Variants in CADPS observed in about 807,000 individuals in gnomAD.
CADPS encodes the protein calcium-dependent secretion activator 1.
In CADPS, 57 loss-of-function variants were observed where a neutral mutation model predicts 167.3. That is an observed-to-expected ratio of 0.34 (90% CI 0.28 to 0.42). The LOEUF (loss-of-function observed/expected upper bound fraction) is 0.42. Ranked by LOEUF, CADPS falls within the 20% of genes least tolerant of loss-of-function variation. The pLI, the probability that CADPS is intolerant of heterozygous loss-of-function variation, is 1.00. For missense variants in CADPS, 1,414 were observed against 1,738.1 expected (o/e 0.81, Z 3.32); for synonymous variants, 676 against 635.3 (o/e 1.06, Z -0.96).
rs979145505 is a variant in CADPS, at chr3:62,544,969, C to T, written c.1966+4934G>A. ...ACCTAGCAGCCTAAGTTCTTGGGTT[C>T]GAGCAAAGATTGAACAAGAAAACTT... On this transcript the variant is annotated intron_variant, in intron 11 of 29. Transcript: ENST00000383710. The surrounding 1 kb of genome is among the most constrained non-coding windows in gnomAD (Gnocchi z 4.4). 49 of 467,252 alleles carry T rather than the reference C, an allele frequency of 1.0e-4. No homozygotes were observed. The Admixed American group carries it at 2.4e-3, about 23-fold the overall frequency. The allele number at this position is 467,252 out of a possible 1,614,324, so 28.9% of individuals were successfully genotyped here.
At chr3:62,634,081 G>A (rs1031313329) in intron 6 of CADPS, among the ~76,000 whole-genome samples, 1 of 152,126 alleles carries the variant, frequency 6.6e-6, no homozygotes, top group African/African-American at 2.4e-5. Context: ...TTGACAGCGG[G>A]TTGTTAAGCT....
Position 62,592,637 on chromosome 3 carries a change from C to T in CADPS, c.1437G>A (p.Arg479=). The change falls in exon 7 of 30, where the codon CGG becomes CGA. Residue 479 remains arginine (R), a splice_region_variant and synonymous_variant. Transcript: ENST00000383710. ...VLALEDKELG[R]VILHPTPNSP... The stretch of plus-strand genomic sequence containing the variant: ...TCCCCTTGTGATAAGAAGTGCTTAC[C>T]CGCCCAAGCTCCTTGTCCTCCAACG... 1 of 1,612,102 alleles carries T rather than the reference C, an allele frequency of 6.2e-7. No individual in the cohort carries two copies. Among genetic ancestry groups the T allele is most frequent in the Non-Finnish European group, 8.5e-7 (1 of 1,178,240 alleles).
At chr3:62,463,999 TATTTGG>T (rs2059665716) in intron 26 of CADPS, among the ~76,000 whole-genome samples, 1 of 152,248 alleles carries the variant, frequency 6.6e-6, no homozygotes, top group Non-Finnish European at 1.5e-5. Flanking sequence ...AAGTAGGGCA[TATTTGG>T]AAAGAAGTTG....
At chr3:62,524,251 C>T (rs1238783573) in intron 13 of CADPS, among the ~76,000 whole-genome samples, 1 of 152,068 alleles carries the variant, frequency 6.6e-6, no homozygotes, top group Non-Finnish European at 1.5e-5. Context: ...AGGAGATATC[C>T]CTGCTTGCTC....
intron 8 of CADPS, among the ~76,000 whole-genome samples, chr3:62,583,055 A>T (rs1044470268): frequency 6.6e-6 from 1 of 151,984 alleles, no homozygotes; most frequent in African/African-American, 2.4e-5. Flanking sequence ...GGCACTGATC[A>T]TTTTTTTAAA....
At position 62,491,315 on chromosome 3, in the gene CADPS, T is replaced by A. The variant is rs148045236; in HGVS notation, c.3026+24A>T. The A allele has an allele frequency of 3.4e-4, 546 of 1,611,828 alleles. 5 individuals are homozygous for A. In the African/African-American group the frequency reaches 6.1e-3, roughly 18 times the overall value. ...CCAGCCATTTGTACCCAAACTCCGA[T>A]GGTATCAAAAAAGGTTTCCTTACTT... is the stretch of plus-strand genomic sequence containing the variant. On this transcript the variant is annotated intron_variant, in intron 21 of 29. Coordinates refer to ENST00000383710, the MANE Select transcript of CADPS (RefSeq NM_003716.4).
intron 8 of CADPS, among the ~76,000 whole-genome samples, chr3:62,584,306 C>T (rs1407046005): frequency 6.6e-6 from 1 of 152,100 alleles, no homozygotes; most frequent in Non-Finnish European, 1.5e-5. Context: ...TGTGCCCAGC[C>T]GTAACCCTCA....
chr3:62,794,764 C>T (rs538822265), intron 1 of CADPS, among the ~76,000 whole-genome samples: 1 of 103,592 alleles, frequency 9.7e-6, no homozygotes, highest in African/African-American at 4.4e-5. Flanking sequence ...GTTTACAAGA[C>T]AGACGCAAGG....
At chr3:62,518,784 G>A (rs538494764) in intron 13 of CADPS, among the ~76,000 whole-genome samples, 1 of 152,150 alleles carries the variant, frequency 6.6e-6, no homozygotes, top group East Asian at 1.9e-4. Context: ...AAATTCCTAT[G>A]AAAATCAGGT....
intron 1 of CADPS, among the ~76,000 whole-genome samples, chr3:62,819,277 G>A (rs192273278): frequency 7.9e-5 from 12 of 152,096 alleles, no homozygotes; most frequent in Admixed American, 7.2e-4. Flanking sequence ...ACTACATCAA[G>A]GAATATTAAA....
intron 1 of CADPS, among the ~76,000 whole-genome samples, chr3:62,775,304 C>T (rs2090007741): frequency 1.3e-5 from 2 of 152,114 alleles, no homozygotes; most frequent in South Asian, 2.1e-4. Context: ...CTGCCTGCCT[C>T]GGCCTCTGAG....
chr3:62,663,711 T>A (rs2073856622), intron 3 of CADPS, among the ~76,000 whole-genome samples: 1 of 151,944 alleles, frequency 6.6e-6, no homozygotes, highest in Non-Finnish European at 1.5e-5. Context: ...GGAAAATATA[T>A]GGTCATACTT....
intron 16 of CADPS, chr3:62,513,688 T>C: frequency 1.3e-6 from 2 of 1,588,940 alleles, no homozygotes; most frequent in Non-Finnish European, 1.7e-6. Flanking sequence ...AGGATGCTCA[T>C]ACATTTCTCT....
intron 9 of CADPS, among the ~76,000 whole-genome samples, chr3:62,561,239 T>C (rs2079103014): frequency 6.6e-6 from 1 of 151,966 alleles, no homozygotes; most frequent in Admixed American, 6.6e-5. Flanking sequence ...TTATACATTT[T>C]TCATAACTGT....
At position 62,753,606 on chromosome 3, in the gene CADPS, A is replaced by G. The variant is rs1368569919; in HGVS notation, c.723T>C (p.Phe241=). 6.2e-7 allele frequency: 1 copy of G among 1,614,130 alleles called. No individual in the cohort carries two copies. The highest frequency in any genetic ancestry group is 1.1e-5 in the South Asian group (1 of 91,078). ...CCTCTTCTCCACGGTAGATGGCATC[A>G]AATTTGGCCATCCAGGAGCTCAGCA... The part of the protein sequence containing the change: ...ETVLSSWMAK[F]DAIYRGEEDP... Residue 241 remains phenylalanine, a synonymous_variant, in exon 3 of 30, where the codon TTT becomes TTC. Coordinates refer to ENST00000383710, the MANE Select transcript of CADPS (RefSeq NM_003716.4). The surrounding 1 kb of genome is among the most constrained non-coding windows in gnomAD (Gnocchi z 4.6).
intron 6 of CADPS, among the ~76,000 whole-genome samples, chr3:62,595,252 TG>T (rs2058744971): frequency 6.6e-6 from 1 of 151,174 alleles, no homozygotes; most frequent in Non-Finnish European, 1.5e-5. Context: ...GAGGAGGCCA[TG>T]AGATAGGACA....
intron 3 of CADPS, among the ~76,000 whole-genome samples, chr3:62,719,389 A>G (rs504987): frequency 0.94 from 143,555 of 152,308 alleles, 67,698 homozygotes; most frequent in African/African-American, 0.96. Flanking sequence ...TCAAGCACCA[A>G]TTAGGAGAAA....
At chr3:62,610,469 T>C (rs1395618318) in intron 6 of CADPS, among the ~76,000 whole-genome samples, 1 of 152,132 alleles carries the variant, frequency 6.6e-6, no homozygotes, top group African/African-American at 2.4e-5. Flanking sequence ...CAGGCTGGTG[T>C]TGAACTCCTG....
chr3:62,551,584 C>T (rs1562031336), intron 10 of CADPS, among the ~76,000 whole-genome samples: 1 of 152,182 alleles, frequency 6.6e-6, no homozygotes, highest in Non-Finnish European at 1.5e-5. Flanking sequence ...CCACGTTCCA[C>T]TCAGAGGAAA....
Sources: gnomAD v4.1 joint callset for allele counts (sites outside exome capture counted in the v4.1 genomes callset) on GRCh38, gnomAD v4.1.1 for gene constraint, Gnocchi (gnomAD v3.1) non-coding constraint, MANE v1.5 for transcripts, NCBI Gene and HGNC (gene_info 2026-07-23, HGNC 2026-07-21) for gene names.